The following KCNH7 variants were observed in gnomAD, a reference collection of about 807,000 sequenced individuals.
The protein encoded by KCNH7 is potassium voltage-gated channel subfamily H member 7, also known as voltage-gated inwardly rectifying potassium channel KCNH7.
In KCNH7, 49 loss-of-function variants were observed where a neutral mutation model predicts 120.8. The ratio of observed to expected loss-of-function variants is 0.41; its 90% CI spans 0.32 to 0.51. KCNH7 has a LOEUF of 0.51. Ranked by LOEUF, KCNH7 falls within the 20% of genes least tolerant of loss-of-function variation. The pLI is 0.38. For synonymous variants in KCNH7, 547 were observed against 516.1 expected (o/e 1.06, Z -0.81); for missense variants, 1,097 against 1,446.6 (o/e 0.76, Z 3.92).
At chr2:162,484,514 G>A (rs1037693459) in intron 6 of KCNH7, among the ~76,000 whole-genome samples, 6 of 152,010 alleles carry the variant, frequency 3.9e-5, no homozygotes, top group African/African-American at 7.3e-5. Context: ...CAGAGAGACC[G>A]CAATAAGTCA....
chr2:162,631,924 G>A (rs1683782234), intron 2 of KCNH7, among the ~76,000 whole-genome samples: 1 of 151,850 alleles, frequency 6.6e-6, no homozygotes, highest in Admixed American at 6.6e-5. Flanking sequence ...AGAAACCCAC[G>A]CCGAAAAGAA....
chr2:162,667,744 C>T (rs1474353373), intron 2 of KCNH7, among the ~76,000 whole-genome samples: 1 of 152,148 alleles, frequency 6.6e-6, no homozygotes, highest in Non-Finnish European at 1.5e-5. Flanking sequence ...CACTACATCA[C>T]CTTGCTTTAT....
intron 2 of KCNH7, among the ~76,000 whole-genome samples, chr2:162,835,943 A>T (rs745858055): frequency 8.0e-4 from 121 of 152,112 alleles, no homozygotes; most frequent in Non-Finnish European, 1.5e-3. Context: ...TTCTTATTTC[A>T]GGACAAATCT....
chr2:162,718,093 G>A (rs1194405942), intron 2 of KCNH7, among the ~76,000 whole-genome samples: 1 of 151,634 alleles, frequency 6.6e-6, no homozygotes. Flanking sequence ...TGAAGGACAG[G>A]AGAGTACCCA....
At chr2:162,503,773 A>C (rs1461241263) in intron 6 of KCNH7, among the ~76,000 whole-genome samples, 2 of 152,082 alleles carry the variant, frequency 1.3e-5, no homozygotes, top group East Asian at 3.9e-4. Context: ...TAAAGTCATG[A>C]ATTCCCAACA....
At chr2:162,827,312 T>C (rs1204988391) in intron 2 of KCNH7, among the ~76,000 whole-genome samples, 2 of 152,084 alleles carry the variant, frequency 1.3e-5, no homozygotes, top group African/African-American at 4.8e-5. Context: ...TGAATCAAAA[T>C]ACTCCATGAA....
chr2:162,602,435 A>G (rs1694590157), intron 2 of KCNH7, among the ~76,000 whole-genome samples: 1 of 152,082 alleles, frequency 6.6e-6, no homozygotes, highest in African/African-American at 2.4e-5. Context: ...CAAAACCTTA[A>G]CTAATTTGGC....
chr2:162,534,536 C>T (rs980153325), intron 3 of KCNH7, among the ~76,000 whole-genome samples: 1 of 151,156 alleles, frequency 6.6e-6, no homozygotes, highest in African/African-American at 2.4e-5. Flanking sequence ...TAATGTCTAG[C>T]AAAACTGAAA....
intron 2 of KCNH7, among the ~76,000 whole-genome samples, chr2:162,717,661 T>C (rs928178912): frequency 1.1e-4 from 17 of 152,126 alleles, no homozygotes; most frequent in Admixed American, 5.2e-4. Flanking sequence ...GCTTAATTTT[T>C]CCCCATAGCT....
At chr2:162,820,413 G>A (rs922139880) in intron 2 of KCNH7, among the ~76,000 whole-genome samples, 2 of 151,966 alleles carry the variant, frequency 1.3e-5, no homozygotes, top group African/African-American at 4.8e-5. Flanking sequence ...ACAAAATGAA[G>A]GGTACACCAT....
Position 162,447,058 on chromosome 2 carries a change from A to T in KCNH7, c.1129-615T>A, listed in dbSNP as rs79636405. Among the ~76,000 whole-genome samples, 126 of 152,224 alleles carry T rather than the reference A, an allele frequency of 8.3e-4. 1 individual carries two copies. In the East Asian group the frequency reaches 0.019, roughly 23 times the overall value. On this transcript the variant is annotated intron_variant, in intron 6 of 15. Transcript: ENST00000332142. ...CCTTAAAAGGTTGAGAGAGTATTTGATATTCCGGGACAAATACACTTGCAT... is the reference window on the plus strand; with the variant it reads ...CCTTAAAAGGTTGAGAGAGTATTTGTTATTCCGGGACAAATACACTTGCAT...
chr2:162,523,019 CT>C (rs982536168), intron 3 of KCNH7, among the ~76,000 whole-genome samples: 7 of 151,964 alleles, frequency 4.6e-5, no homozygotes, highest in African/African-American at 1.7e-4. Context: ...TCATCTTTCT[CT>C]GTGAAAAGTC....
At chr2:162,662,916 T>C (rs568870232) in intron 2 of KCNH7, among the ~76,000 whole-genome samples, 39 of 152,300 alleles carry the variant, frequency 2.6e-4, no homozygotes, top group Admixed American at 3.3e-4. Context: ...AGCACTGAAT[T>C]TGAGGTCAAA....
At chr2:162,763,542 A>C (rs1267687886) in intron 2 of KCNH7, among the ~76,000 whole-genome samples, 1 of 152,098 alleles carries the variant, frequency 6.6e-6, no homozygotes, top group African/African-American at 2.4e-5. Context: ...ATTGTTAGAA[A>C]ATACGATGGC....
intron 2 of KCNH7, among the ~76,000 whole-genome samples, chr2:162,582,151 AC>A (rs1208028148): frequency 1.3e-5 from 2 of 152,012 alleles, no homozygotes; most frequent in African/African-American, 4.8e-5. Context: ...GGTCAAGATT[AC>A]CCCTGCTGGA....
intron 2 of KCNH7, among the ~76,000 whole-genome samples, chr2:162,579,903 C>T (rs553062731): frequency 2.4e-4 from 37 of 152,028 alleles, no homozygotes; most frequent in Middle Eastern, 3.4e-3. Flanking sequence ...AAATACTCTG[C>T]TAATTATTTT....
chr2:162,485,546 T>C (rs1421271224), intron 6 of KCNH7, among the ~76,000 whole-genome samples: 1 of 152,186 alleles, frequency 6.6e-6, no homozygotes, highest in Non-Finnish European at 1.5e-5. Flanking sequence ...TCAGAAACTC[T>C]TCATTCATTT....
chr2:162,597,842 GA>G (rs1229662614), intron 2 of KCNH7, among the ~76,000 whole-genome samples: 1 of 151,936 alleles, frequency 6.6e-6, no homozygotes, highest in African/African-American at 2.4e-5. Context: ...CTAAAAATAA[GA>G]ATGAAATTTA....
intron 2 of KCNH7, among the ~76,000 whole-genome samples, chr2:162,726,092 C>T (rs1687506320): frequency 6.6e-6 from 1 of 152,126 alleles, no homozygotes; most frequent in South Asian, 2.1e-4. Flanking sequence ...TAGAAACATA[C>T]CTTATCTCTT....
Sources: gnomAD v4.1 joint callset for allele counts (sites outside exome capture counted in the v4.1 genomes callset) on GRCh38, gnomAD v4.1.1 for gene constraint, MANE v1.5 for transcripts, NCBI Gene and HGNC (gene_info 2026-07-23, HGNC 2026-07-21) for gene names.